MACROD2: variants seen among roughly 807,000 people sequenced by gnomAD.
The protein encoded by MACROD2 is mono-ADP ribosylhydrolase 2.
A neutral mutation model predicts 70.4 loss-of-function variants in MACROD2; 36 were observed. The observed-to-expected ratio is 0.51, with a 90% CI of 0.39 to 0.68. The LOEUF is 0.68. MACROD2 is among the 30% of genes least tolerant of loss of function. The pLI is 0.00. For synonymous variants in MACROD2, 172 were observed against 178.8 expected (o/e 0.96, Z 0.30); for missense variants, 496 against 538.4 (o/e 0.92, Z 0.78).
chr20:15,222,582 T>A (rs971039570), intron 5 of MACROD2, among the ~76,000 whole-genome samples: 3 of 152,234 alleles, frequency 2.0e-5, no homozygotes, highest in African/African-American at 7.2e-5. Flanking sequence ...CTTCTTAAAA[T>A]TCATGCAATT....
chr20:14,924,040 C>T (rs2074197885), intron 5 of MACROD2, among the ~76,000 whole-genome samples: 1 of 152,030 alleles, frequency 6.6e-6, no homozygotes, highest in South Asian at 2.1e-4. Flanking sequence ...CTATTTTCAG[C>T]TGTTATAAAA....
chr20:15,257,867 A>C (rs1297533025), intron 6 of MACROD2, among the ~76,000 whole-genome samples: 1 of 152,078 alleles, frequency 6.6e-6, no homozygotes, highest in African/African-American at 2.4e-5. Flanking sequence ...GTATTCCAGA[A>C]GAAGGCACTG....
intron 8 of MACROD2, among the ~76,000 whole-genome samples, chr20:15,755,468 C>T (rs2327963): frequency 0.056 from 8,466 of 152,210 alleles, 800 homozygotes; most frequent in African/African-American, 0.19. Context: ...TTTTACATTT[C>T]AGATTATGTT....
chr20:15,487,230 G>T (rs2047174077), intron 7 of MACROD2, among the ~76,000 whole-genome samples: 1 of 152,130 alleles, frequency 6.6e-6, no homozygotes, highest in Admixed American at 6.5e-5. Flanking sequence ...GAAGAATTGG[G>T]AACACTTATC....
rs2210048 is a variant in MACROD2, at chr20:14,905,208, T to A, written c.418+220249T>A. 4 of 152,202 alleles carry A rather than the reference T, an allele frequency of 2.6e-5. No homozygotes were observed. The East Asian group carries it at 7.7e-4, about 29-fold the overall frequency. The allele number at this position is 152,202 out of a possible 1,614,324, so 9.4% of individuals were successfully genotyped here. ...AAGGGAGAGATTTGAAGAAAATGTT[T>A]TGGACATTTAGAATTCTGAGTCTTA... is the stretch of plus-strand genomic sequence containing the variant. On this transcript the variant is annotated intron_variant, in intron 5 of 17. Coordinates refer to ENST00000684519, the MANE Select transcript of MACROD2 (RefSeq NM_001351661.2).
At position 15,938,645 on chromosome 20, in the gene MACROD2, G is replaced by A. The variant is rs1601172798; in HGVS notation, c.907+1101G>A. Among the ~76,000 whole-genome samples the A allele has an allele frequency of 3.9e-5, 6 of 152,076 alleles. 1 individual carries two copies. The South Asian group carries it at 1.2e-3, about 32-fold the overall frequency. ...CTAAAACACAACAATATTGAAATTAGGCCAATTAATAGACCTACAATGGCC... is the reference window on the plus strand; with the variant it reads ...CTAAAACACAACAATATTGAAATTAAGCCAATTAATAGACCTACAATGGCC... On this transcript the variant is annotated intron_variant, in intron 12 of 17. Coordinates refer to ENST00000684519, the MANE Select transcript of MACROD2 (RefSeq NM_001351661.2).
intron 4 of MACROD2, among the ~76,000 whole-genome samples, chr20:14,658,145 G>A (rs1986062963): frequency 6.6e-6 from 1 of 151,916 alleles, no homozygotes; most frequent in African/African-American, 2.4e-5. Flanking sequence ...AGATGATTAA[G>A]GTTTAGCAAT....
intron 12 of MACROD2, among the ~76,000 whole-genome samples, chr20:15,947,286 C>A (rs1266748656): frequency 6.6e-6 from 1 of 152,120 alleles, no homozygotes; most frequent in Non-Finnish European, 1.5e-5. Flanking sequence ...TCCCATCCCA[C>A]AAGGCCATAC....
intron 5 of MACROD2, among the ~76,000 whole-genome samples, chr20:14,861,991 A>ATG (rs1568838555): frequency 3.2e-5 from 2 of 61,646 alleles, no homozygotes; most frequent in South Asian, 8.2e-4. Flanking sequence ...ATATATATAT[A>ATG]TTTATATATA....
At chr20:15,569,436 A>G (rs532358825) in intron 8 of MACROD2, among the ~76,000 whole-genome samples, 4 of 152,184 alleles carry the variant, frequency 2.6e-5, no homozygotes, top group Non-Finnish European at 5.9e-5. Flanking sequence ...TTTTAAGAAT[A>G]CAATCTGTTG....
At chr20:15,194,281 G>T (rs1318001583) in intron 5 of MACROD2, among the ~76,000 whole-genome samples, 5 of 128,574 alleles carry the variant, frequency 3.9e-5, no homozygotes, top group Non-Finnish European at 8.2e-5. Context: ...GCTTCTTCCA[G>T]AAATCAGTCA....
chr20:14,264,632 G>A (rs921654483), intron 3 of MACROD2, among the ~76,000 whole-genome samples: 1 of 152,162 alleles, frequency 6.6e-6, no homozygotes, highest in Non-Finnish European at 1.5e-5. Flanking sequence ...TTGAGATAAG[G>A]TTGGGAAAGT....
intron 5 of MACROD2, among the ~76,000 whole-genome samples, chr20:14,845,101 T>C (rs911703951): frequency 4.0e-4 from 61 of 152,046 alleles, no homozygotes; most frequent in Non-Finnish European, 1.9e-4. Context: ...GCAACCTCTT[T>C]CTCTCTCATG....
At chr20:15,510,672 A>G (rs936254557) in intron 8 of MACROD2, among the ~76,000 whole-genome samples, 2 of 152,200 alleles carry the variant, frequency 1.3e-5, no homozygotes, top group African/African-American at 2.4e-5. Flanking sequence ...CTAGGGTAAG[A>G]AAACCAAATA....
chr20:15,594,814 AC>A (rs1259937401), intron 8 of MACROD2, among the ~76,000 whole-genome samples: 1 of 152,166 alleles, frequency 6.6e-6, no homozygotes, highest in African/African-American at 2.4e-5. Context: ...TTATAATTTT[AC>A]TTTTACATTA....
intron 3 of MACROD2, among the ~76,000 whole-genome samples, chr20:14,243,624 TTATAGA>T (rs2081946545): frequency 6.6e-6 from 1 of 152,184 alleles, no homozygotes; most frequent in Non-Finnish European, 1.5e-5. Flanking sequence ...ATTGGGTAAA[TTATAGA>T]TATAGTAGAC....
chr20:16,012,327 A>G (rs2066874345), intron 15 of MACROD2, among the ~76,000 whole-genome samples: 1 of 152,168 alleles, frequency 6.6e-6, no homozygotes, highest in Admixed American at 6.5e-5. Flanking sequence ...TCCTTTCTGA[A>G]TAGAGCTGCT....
At chr20:14,821,329 C>T (rs867886966) in intron 5 of MACROD2, among the ~76,000 whole-genome samples, 5 of 151,972 alleles carry the variant, frequency 3.3e-5, no homozygotes, top group Non-Finnish European at 7.4e-5. Context: ...GTTTCCTTTT[C>T]CTTGTTCTGT....
At chr20:14,870,655 T>C (rs1043756917) in intron 5 of MACROD2, among the ~76,000 whole-genome samples, 2 of 152,082 alleles carry the variant, frequency 1.3e-5, no homozygotes, top group Middle Eastern at 3.2e-3. Flanking sequence ...TGGCATGAGA[T>C]GTATCTTATT....
Sources: allele counts gnomAD v4.1 joint callset (sites outside exome capture counted in the v4.1 genomes callset), GRCh38; gene constraint gnomAD v4.1.1; transcripts MANE v1.5; gene names NCBI Gene and HGNC (gene_info 2026-07-23, HGNC 2026-07-21).